Variants in CCDC3 observed in about 807,000 individuals in gnomAD.
CCDC3 encodes the protein coiled-coil domain-containing protein 3.
In CCDC3, 24 loss-of-function variants were observed where a neutral mutation model predicts 21.4. The ratio of observed to expected loss-of-function variants is 1.12; its 90% CI spans 0.81 to 1.58. The LOEUF (loss-of-function observed/expected upper bound fraction) is 1.58, where lower values mean the gene tolerates loss of function less well. CCDC3 is among the 40% of genes most tolerant of loss of function. The pLI, the probability that CCDC3 is intolerant of heterozygous loss-of-function variation, is 0.00. For missense variants in CCDC3, 425 were observed against 360.9 expected (o/e 1.18, Z -1.44); for synonymous variants, 186 against 166.0 (o/e 1.12, Z -0.93).
chr10:13,036,650 A>T (rs551586414), intron 5 of CCDC3, among the ~76,000 whole-genome samples: 12 of 148,862 alleles, frequency 8.1e-5, no homozygotes, highest in African/African-American at 2.7e-4. Flanking sequence ...ATGCCCAGCT[A>T]ATTTTTGTAT....
intron 5 of CCDC3, among the ~76,000 whole-genome samples, chr10:13,043,450 A>C (rs113042208): frequency 0.013 from 2,004 of 152,064 alleles, 38 homozygotes; most frequent in African/African-American, 0.045. Flanking sequence ...AAACTTAGCC[A>C]GGCGTGGTGA....
intron 5 of CCDC3, among the ~76,000 whole-genome samples, chr10:13,032,579 T>C (rs1163989281): frequency 6.6e-6 from 1 of 152,182 alleles, no homozygotes; most frequent in Non-Finnish European, 1.5e-5. Flanking sequence ...CATGATTGTA[T>C]ATTTAGAAAA....
At chr10:12,938,535 C>G (rs577893320) in intron 2 of CCDC3, among the ~76,000 whole-genome samples, 4 of 152,242 alleles carry the variant, frequency 2.6e-5, no homozygotes, top group Non-Finnish European at 5.9e-5. Context: ...CGAATCCCAG[C>G]TTTGCCATGT....
chr10:13,089,020 AAAT>A (rs1353248207), intron 3 of CCDC3, among the ~76,000 whole-genome samples: 3 of 145,894 alleles, frequency 2.1e-5, no homozygotes, highest in African/African-American at 8.0e-5. Context: ...AAAAAAAAAA[AAAT>A]AAAAGAAGAA....
At chr10:13,083,417 T>C (rs979663741) in intron 3 of CCDC3, among the ~76,000 whole-genome samples, 1 of 152,254 alleles carries the variant, frequency 6.6e-6, no homozygotes, top group African/African-American at 2.4e-5. Context: ...ACAGTTTCCC[T>C]TTTTGTTAAA....
At position 13,072,579 on chromosome 10, in the gene CCDC3, G is replaced by T. The variant is rs952137603; in HGVS notation, c.-270+1289C>A. Reference sequence around the variant, plus strand: ...AATGGGGTGGAGCCACAGGCAGGGGGAGGAGCCTGCTCTTCAGTTCCTGTG... The same window carrying T: ...AATGGGGTGGAGCCACAGGCAGGGGTAGGAGCCTGCTCTTCAGTTCCTGTG... On this transcript the variant is annotated intron_variant, in intron 4 of 6. Transcript: ENST00000378839. 7.9e-5 allele frequency among the ~76,000 whole-genome samples: 12 copies of T among 152,306 alleles called. No individual in the cohort carries two copies. The East Asian group carries it at 2.3e-3, about 29-fold the overall frequency.
At chr10:12,932,299 T>C (rs1398756205) in intron 2 of CCDC3, among the ~76,000 whole-genome samples, 4 of 152,256 alleles carry the variant, frequency 2.6e-5, no homozygotes, top group African/African-American at 9.6e-5. Flanking sequence ...ACATCTAACA[T>C]ATTGAACATC....
intron 2 of CCDC3, among the ~76,000 whole-genome samples, chr10:12,917,684 G>A (rs1834381478): frequency 6.6e-6 from 1 of 152,146 alleles, no homozygotes; most frequent in Admixed American, 6.6e-5. Flanking sequence ...GTGTCTTTTA[G>A]TGTGAATTTC....
At chr10:13,016,829 C>T (rs1184684640) in intron 5 of CCDC3, among the ~76,000 whole-genome samples, 3 of 152,080 alleles carry the variant, frequency 2.0e-5, no homozygotes, top group African/African-American at 7.2e-5. Context: ...CAGGGTACAT[C>T]TTCAAGAGGC....
chr10:12,921,291 G>A (rs1360897366), intron 2 of CCDC3, among the ~76,000 whole-genome samples: 1 of 152,192 alleles, frequency 6.6e-6, no homozygotes, highest in Non-Finnish European at 1.5e-5. Context: ...TCTGCAAGAA[G>A]GTAACCTTTT....
At chr10:13,058,231 G>A (rs1005006443) in intron 4 of CCDC3, 11 of 1,318,884 alleles carry the variant, frequency 8.3e-6, no homozygotes, top group Non-Finnish European at 1.2e-5. Flanking sequence ...TTCTGGCAAG[G>A]CCTGCATCCA....
chr10:13,057,351 T>A (rs2131429575), intron 4 of CCDC3, among the ~76,000 whole-genome samples: 1 of 152,182 alleles, frequency 6.6e-6, no homozygotes, highest in East Asian at 1.9e-4. Flanking sequence ...CATGATTCCT[T>A]CCAGCTGGGA....
chr10:13,069,106 T>A (rs988546016), intron 4 of CCDC3, among the ~76,000 whole-genome samples: 1 of 152,102 alleles, frequency 6.6e-6, no homozygotes, highest in Non-Finnish European at 1.5e-5. Flanking sequence ...AAATACAAAA[T>A]TAGCTGGGCG....
chr10:12,916,208 C>A (rs186685132), intron 2 of CCDC3, among the ~76,000 whole-genome samples: 1 of 152,060 alleles, frequency 6.6e-6, no homozygotes, highest in Non-Finnish European at 1.5e-5. Context: ...CCAAGGTGGG[C>A]GGATCACAAG....
intron 2 of CCDC3, among the ~76,000 whole-genome samples, chr10:12,918,965 G>T (rs1386947487): frequency 1.3e-5 from 2 of 152,168 alleles, no homozygotes; most frequent in Non-Finnish European, 2.9e-5. Flanking sequence ...TGAGGCAGGA[G>T]AATGGGCGTG....
chr10:13,031,712 C>G (rs186022614), intron 5 of CCDC3, among the ~76,000 whole-genome samples: 1 of 152,124 alleles, frequency 6.6e-6, no homozygotes, highest in African/African-American at 2.4e-5. Context: ...ACTATAAACA[C>G]CTCTACACAA....
At chr10:12,993,113 C>T (rs1025633464) in intron 2 of CCDC3, among the ~76,000 whole-genome samples, 4 of 152,290 alleles carry the variant, frequency 2.6e-5, no homozygotes, top group South Asian at 2.1e-4. Flanking sequence ...ACCCCCTGGA[C>T]GGGAGCAGGC....
chr10:13,088,334 T>C (rs1329713789), intron 3 of CCDC3, among the ~76,000 whole-genome samples: 1 of 152,200 alleles, frequency 6.6e-6, no homozygotes, highest in Non-Finnish European at 1.5e-5. Flanking sequence ...AATCTAATTC[T>C]ATTGGAGAGC....
chr10:12,906,922 C>G (rs1318738428), intron 2 of CCDC3, among the ~76,000 whole-genome samples: 1 of 152,154 alleles, frequency 6.6e-6, no homozygotes, highest in Non-Finnish European at 1.5e-5. Flanking sequence ...GCATCTAATT[C>G]CTTCCACTAA....
Sources: gnomAD v4.1 joint callset for allele counts (sites outside exome capture counted in the v4.1 genomes callset) on GRCh38, gnomAD v4.1.1 for gene constraint, MANE v1.5 for transcripts, NCBI Gene and HGNC (gene_info 2026-07-23, HGNC 2026-07-21) for gene names.